Variants in NXPH1 observed in about 807,000 individuals in gnomAD.
NXPH1 encodes neurexophilin 1.
In NXPH1, 5 loss-of-function variants were observed where a neutral mutation model predicts 23.7. That is an observed-to-expected ratio of 0.21 (90% CI 0.11 to 0.44). The LOEUF (loss-of-function observed/expected upper bound fraction) is 0.44, where lower values mean the gene tolerates loss of function less well. Ranked by LOEUF, NXPH1 falls within the 20% of genes least tolerant of loss-of-function variation. The probability of loss-of-function intolerance (pLI) is 0.99; values close to 1 mark genes in which losing one functional copy is unlikely to be tolerated. For missense variants in NXPH1, 324 were observed against 321.6 expected (o/e 1.01, Z -0.06); for synonymous variants, 144 against 122.2 (o/e 1.18, Z -1.18).
chr7:8,645,439 A>G (rs897729769), intron 2 of NXPH1, among the ~76,000 whole-genome samples: 2 of 152,022 alleles, frequency 1.3e-5, no homozygotes, highest in African/African-American at 4.8e-5. Context: ...TCATATGTTT[A>G]TGGTATTCAA....
intron 2 of NXPH1, among the ~76,000 whole-genome samples, chr7:8,533,028 C>A (rs1817972550): frequency 6.6e-6 from 1 of 152,054 alleles, no homozygotes; most frequent in African/African-American, 2.4e-5. Flanking sequence ...TACATGTATT[C>A]CCTCTTTTTA....
chr7:8,641,599 T>A (rs1251783138), intron 2 of NXPH1, among the ~76,000 whole-genome samples: 1 of 152,174 alleles, frequency 6.6e-6, no homozygotes, highest in Non-Finnish European at 1.5e-5. Context: ...CTAAATATGC[T>A]TTGTTGGTTT....
chr7:8,466,248 C>A (rs371989512), intron 2 of NXPH1, among the ~76,000 whole-genome samples: 9 of 152,254 alleles, frequency 5.9e-5, no homozygotes, highest in African/African-American at 1.4e-4. Flanking sequence ...TTTGTTAAAT[C>A]TTGAAAATGG....
chr7:8,481,211 C>T (rs555785431), intron 2 of NXPH1, among the ~76,000 whole-genome samples: 18 of 152,194 alleles, frequency 1.2e-4, no homozygotes, highest in East Asian at 1.2e-3. Flanking sequence ...TTCTCCTTTG[C>T]GGAACTCATA....
chr7:8,521,772 C>G (rs1039704855), intron 2 of NXPH1, among the ~76,000 whole-genome samples: 11 of 152,086 alleles, frequency 7.2e-5, no homozygotes, highest in Admixed American at 5.2e-4. Flanking sequence ...GTGTAACTGT[C>G]ACAAGCAGGT....
intron 2 of NXPH1, among the ~76,000 whole-genome samples, chr7:8,569,557 T>C (rs1327147138): frequency 6.6e-6 from 1 of 151,682 alleles, no homozygotes; most frequent in East Asian, 1.9e-4. Flanking sequence ...TAAAAGAAAA[T>C]GTGGGAGGGC....
intron 2 of NXPH1, among the ~76,000 whole-genome samples, chr7:8,710,542 A>G (rs1779771807): frequency 6.6e-6 from 1 of 151,838 alleles, no homozygotes. Flanking sequence ...GGGAAACATG[A>G]TAATCAAATG....
Position 8,434,967 on chromosome 7 carries a change from A to C in NXPH1, c.-111+212A>C, listed in dbSNP as rs577145743. On this transcript the variant is annotated intron_variant, in intron 1 of 2. Coordinates refer to ENST00000405863, the MANE Select transcript of NXPH1 (RefSeq NM_152745.3). The surrounding 1 kb of genome is among the most constrained non-coding windows in gnomAD (Gnocchi z 7.6). ...AAGTAGTGCTAGAGATGTGACTGTG[A>C]GCATTCGTGGGTATCTCTGTGTGCG... 6.6e-6 allele frequency: 1 copy of C among 152,384 alleles called. No homozygotes were observed. The highest frequency in any genetic ancestry group is 2.1e-4 in the South Asian group (1 of 4,812). 9.4% of individuals were successfully genotyped at this position (152,384 alleles called of 1,614,324 possible).
intron 2 of NXPH1, among the ~76,000 whole-genome samples, chr7:8,631,830 C>T (rs1820135434): frequency 6.6e-6 from 1 of 152,128 alleles, no homozygotes; most frequent in Non-Finnish European, 1.5e-5. Flanking sequence ...GCAAGTTATA[C>T]CTTAGAAGTG....
At chr7:8,559,365 C>A (rs1374681148) in intron 2 of NXPH1, among the ~76,000 whole-genome samples, 2 of 151,734 alleles carry the variant, frequency 1.3e-5, no homozygotes, top group African/African-American at 4.8e-5. Context: ...CTTAGAAGAT[C>A]TGTATTTACA....
rs531095038 is a variant in NXPH1, at chr7:8,738,696, A to G, written c.55-12312A>G. 1.2e-4 allele frequency among the ~76,000 whole-genome samples: 19 copies of G among 152,264 alleles called. 1 individual carries two copies. In the East Asian group the frequency reaches 3.3e-3, roughly 26 times the overall value. On this transcript the variant is annotated intron_variant, in intron 2 of 2. Coordinates refer to ENST00000405863, the MANE Select transcript of NXPH1 (RefSeq NM_152745.3). Reference sequence around the variant, plus strand: ...CTATTCAGAGCCAGCAGGCAGGAACATTTAAGTCTGCCAAAGCTGTGCCCA... The same window carrying G: ...CTATTCAGAGCCAGCAGGCAGGAACGTTTAAGTCTGCCAAAGCTGTGCCCA...
Position 8,459,141 on chromosome 7 carries a change from G to T in NXPH1, c.54+23374G>T, listed in dbSNP as rs144461308. Among the ~76,000 whole-genome samples the T allele has an allele frequency of 2.9e-3, 431 of 151,174 alleles. 8 individuals carry two copies. The East Asian group carries it at 0.03, about 11-fold the overall frequency. On this transcript the variant is annotated intron_variant, in intron 2 of 2. Coordinates refer to ENST00000405863, the MANE Select transcript of NXPH1 (RefSeq NM_152745.3). ...GTTAACTTAATGAACATCTTGGGTT[G>T]TCTCTGTGGTCTAATAATTTAATGC...
chr7:8,560,410 T>A (rs1422814263), intron 2 of NXPH1, among the ~76,000 whole-genome samples: 1 of 151,748 alleles, frequency 6.6e-6, no homozygotes, highest in Non-Finnish European at 1.5e-5. Flanking sequence ...TATTATTTTG[T>A]TTGATGTGAC....
chr7:8,729,712 T>C (rs1322944442), intron 2 of NXPH1, among the ~76,000 whole-genome samples: 3 of 150,768 alleles, frequency 2.0e-5, no homozygotes. Flanking sequence ...AGATAGTTTG[T>C]TATAATTTCT....
At chr7:8,502,368 TC>T in intron 2 of NXPH1, among the ~76,000 whole-genome samples, 1 of 152,146 alleles carries the variant, frequency 6.6e-6, no homozygotes, top group East Asian at 1.9e-4. Flanking sequence ...TATATTTATT[TC>T]TTTTTTTTCC....
At position 8,442,559 on chromosome 7, in the gene NXPH1, G is replaced by A. The variant is rs999025735; in HGVS notation, c.54+6792G>A. 2.0e-5 allele frequency among the ~76,000 whole-genome samples: 3 copies of A among 152,192 alleles called. No homozygotes were observed. The highest frequency in any genetic ancestry group is 6.5e-5 in the Admixed American group (1 of 15,274). ...CCGTCCTCACACATTGACTTTAAAA[G>A]GCCATTTTCCTTCGTCTTCTACAAG... On this transcript the variant is annotated intron_variant, in intron 2 of 2. Transcript: ENST00000405863. This position sits in a 1 kb window ranked among gnomAD's most constrained non-coding sequence, Gnocchi z 4.6.
intron 2 of NXPH1, among the ~76,000 whole-genome samples, chr7:8,709,600 T>C (rs1210342455): frequency 6.6e-6 from 1 of 152,180 alleles, no homozygotes; most frequent in South Asian, 2.1e-4. Context: ...GCCAGAAACA[T>C]GGACTAATAT....
intron 2 of NXPH1, among the ~76,000 whole-genome samples, chr7:8,672,127 C>T (rs2115170361): frequency 6.6e-6 from 1 of 152,220 alleles, no homozygotes; most frequent in South Asian, 2.1e-4. Flanking sequence ...CACATATACA[C>T]CATGGAATAC....
rs369290863 is a variant in NXPH1 at position 8,543,855 on chromosome 7, T to G, written c.54+108088T>G. On this transcript the variant is annotated intron_variant, in intron 2 of 2. Transcript: ENST00000405863. ...GCATACCAGGTGTTTTAATTTTTAA[T>G]TTTTTTTCTAAGCTTATGATTTTGC... 5.9e-4 allele frequency among the ~76,000 whole-genome samples: 90 copies of G among 151,660 alleles called. 1 individual carries two copies. In the South Asian group the frequency reaches 0.018, roughly 30 times the overall value.
Sources: gnomAD v4.1 joint callset for allele counts (sites outside exome capture counted in the v4.1 genomes callset) on GRCh38, gnomAD v4.1.1 for gene constraint, Gnocchi (gnomAD v3.1) non-coding constraint, MANE v1.5 for transcripts, NCBI Gene and HGNC (gene_info 2026-07-23, HGNC 2026-07-21) for gene names.